MED12L: variants seen among roughly 807,000 people sequenced by gnomAD.
The protein encoded by MED12L is mediator of RNA polymerase II transcription subunit 12-like protein.
In MED12L, 60 loss-of-function variants were observed where a neutral mutation model predicts 281.3. The ratio of observed to expected loss-of-function variants is 0.21; its 90% CI spans 0.17 to 0.26. The LOEUF (loss-of-function observed/expected upper bound fraction) is 0.26, where lower values mean the gene tolerates loss of function less well. Among genes scored for constraint, MED12L ranks in the 10% least tolerant of loss-of-function variants. The pLI is 1.00. For missense variants in MED12L, 2,146 were observed against 2,680.9 expected (o/e 0.80, Z 4.41); for synonymous variants, 974 against 987.2 (o/e 0.99, Z 0.25).
chr3:151,337,576 T>C, intron 16 of MED12L: 1 of 480,752 alleles, frequency 2.1e-6, no homozygotes, highest in Non-Finnish European at 3.7e-6. Flanking sequence ...GCATGCAGCA[T>C]GACAATTGGA....
chr3:151,408,979 G>A (rs761088693), intron 39 of MED12L, among the ~76,000 whole-genome samples: 1 of 152,174 alleles, frequency 6.6e-6, no homozygotes, highest in African/African-American at 2.4e-5. Flanking sequence ...CAGCCTCTCT[G>A]CTGAGCAGAC....
chr3:151,155,929 C>T (rs1452834091), intron 5 of MED12L, among the ~76,000 whole-genome samples: 2 of 152,164 alleles, frequency 1.3e-5, no homozygotes, highest in African/African-American at 2.4e-5. Context: ...CCTGTTTCTC[C>T]GAGAGCTGGC....
intron 16 of MED12L, among the ~76,000 whole-genome samples, chr3:151,286,594 G>C (rs1033385022): frequency 3.9e-5 from 6 of 152,174 alleles, no homozygotes; most frequent in Admixed American, 2.0e-4. Context: ...CTTCACAGGA[G>C]GGGGAGCTTC....
chr3:151,359,414 G>A (rs974005518), intron 20 of MED12L, among the ~76,000 whole-genome samples: 1 of 152,084 alleles, frequency 6.6e-6, no homozygotes, highest in Non-Finnish European at 1.5e-5. Context: ...CATTTCACAG[G>A]GTTTGGGATA....
intron 16 of MED12L, among the ~76,000 whole-genome samples, chr3:151,307,981 T>G (rs772174795): frequency 1.5e-4 from 23 of 152,166 alleles, no homozygotes; most frequent in Non-Finnish European, 2.9e-4. Context: ...CTCACAGAGC[T>G]TGAGCCTCCT....
chr3:151,168,639 C>G (rs1005958936), intron 11 of MED12L, among the ~76,000 whole-genome samples: 6 of 152,158 alleles, frequency 3.9e-5, no homozygotes. Context: ...GATTGGTCAC[C>G]TTTTCTTAAT....
chr3:151,383,712 CAT>C (rs2108155771), intron 33 of MED12L, 65 bp from the exon 34 acceptor site: 3 of 980,664 alleles, frequency 3.1e-6, no homozygotes, highest in African/African-American at 3.3e-5. Context: ...AATTTGATAA[CAT>C]AAAGCAATGG....
chr3:151,160,505 C>A (rs912288988), intron 8 of MED12L, among the ~76,000 whole-genome samples: 1 of 152,148 alleles, frequency 6.6e-6, no homozygotes, highest in African/African-American at 2.4e-5. Context: ...GGGTTCCGTT[C>A]GTCTTCCAAG....
chr3:151,183,249 C>T (rs987353415), intron 11 of MED12L, among the ~76,000 whole-genome samples: 7 of 152,176 alleles, frequency 4.6e-5, no homozygotes, highest in Admixed American at 1.3e-4. Flanking sequence ...CCATGCCTCT[C>T]GTAAAACCTT....
chr3:151,163,358 T>G (rs2148968415), intron 8 of MED12L, among the ~76,000 whole-genome samples: 1 of 152,376 alleles, frequency 6.6e-6, no homozygotes, highest in African/African-American at 2.4e-5. Flanking sequence ...TGACAAAAAC[T>G]GTAGGTAGCC....
At chr3:151,389,872 G>A in intron 37 of MED12L, 107 bp from the exon 38 acceptor site, 1 of 1,047,080 alleles carries the variant, frequency 9.6e-7, no homozygotes, top group Non-Finnish European at 1.4e-6. Flanking sequence ...AAACAGCTTT[G>A]TACATTGGGA....
intron 16 of MED12L, among the ~76,000 whole-genome samples, chr3:151,222,580 C>G (rs1425094766): frequency 6.6e-6 from 1 of 152,210 alleles, no homozygotes; most frequent in Non-Finnish European, 1.5e-5. Flanking sequence ...CTTCTCTTGT[C>G]TGCCACCATG....
At chr3:151,177,498 T>G (rs1722193453) in intron 11 of MED12L, among the ~76,000 whole-genome samples, 1 of 152,190 alleles carries the variant, frequency 6.6e-6, no homozygotes. Flanking sequence ...GTGTAAAATT[T>G]CCAGTACTTG....
intron 2 of MED12L, among the ~76,000 whole-genome samples, chr3:151,114,066 C>CT (rs2148723248): frequency 6.6e-6 from 1 of 152,306 alleles, no homozygotes; most frequent in South Asian, 2.1e-4. Flanking sequence ...GGTACTCCTA[C>CT]TTTCTTAGAC....
chr3:151,294,797 G>A (rs768331613), intron 16 of MED12L: 2 of 1,614,110 alleles, frequency 1.2e-6, no homozygotes, highest in Non-Finnish European at 1.7e-6. Flanking sequence ...GTACATCCGA[G>A]AGTCCCCAAA....
At position 151,337,988 on chromosome 3, in the gene MED12L, T is replaced by A. The variant is rs934398058; in HGVS notation, c.2251-12071T>A. On this transcript the variant is annotated intron_variant, in intron 16 of 44. Coordinates refer to ENST00000687756, the MANE Select transcript of MED12L (RefSeq NM_001393769.1). ...GATCCAGGCATGCATTTAAGGAAGT[T>A]AACCACAGAGTGCTCTCTTTCACAT... The A allele has an allele frequency of 4.3e-6, 7 of 1,614,018 alleles. No individual in the cohort carries two copies. The African/African-American group carries it at 9.3e-5, about 22-fold the overall frequency.
rs899895305 is a variant in MED12L at position 151,104,745 on chromosome 3, A to G, written c.100-11593A>G. Among the ~76,000 whole-genome samples the G allele has an allele frequency of 2.0e-5, 3 of 152,180 alleles. 1 individual carries two copies. The highest frequency in any genetic ancestry group is 2.0e-4 in the Admixed American group (3 of 15,284). On this transcript the variant is annotated intron_variant, in intron 2 of 44. Coordinates refer to ENST00000687756, the MANE Select transcript of MED12L (RefSeq NM_001393769.1). ...TCTAGAGGCTGCAAGCTTGAAATCA[A>G]CATATGCAGGGCCATCCTCCCTCTG...
intron 43 of MED12L, among the ~76,000 whole-genome samples, chr3:151,418,702 A>C (rs1438400138): frequency 1.3e-5 from 2 of 152,154 alleles, no homozygotes; most frequent in Non-Finnish European, 2.9e-5. Context: ...CTGTGAACTT[A>C]TTATTTTCCC....
rs748220487 is a variant in MED12L at position 151,188,404 on chromosome 3, C to T, written c.1677C>T (p.Ser559=). The T allele has an allele frequency of 1.2e-6, 2 of 1,611,294 alleles. No individual in the cohort carries two copies. Among genetic ancestry groups the T allele is most frequent in the Non-Finnish European group, 1.7e-6 (2 of 1,177,652 alleles). The part of the protein sequence containing the change: ...VLDEKESISS[S]SLAGSSLPVF... Reference sequence around the variant, plus strand: ...ATGAGAAGGAGTCTATTTCTTCATCCTCTCTTGCTGGATCCAGTTTGCCTG... The same window carrying T: ...ATGAGAAGGAGTCTATTTCTTCATCTTCTCTTGCTGGATCCAGTTTGCCTG... The change falls in exon 13 of 45, where the codon TCC becomes TCT. Residue 559 remains serine (S), a synonymous_variant. Transcript: ENST00000687756.
Sources: allele counts gnomAD v4.1 joint callset (sites outside exome capture counted in the v4.1 genomes callset), GRCh38; gene constraint gnomAD v4.1.1; transcripts MANE v1.5; gene names NCBI Gene and HGNC (gene_info 2026-07-23, HGNC 2026-07-21).